FOXF1: variants seen among roughly 807,000 people sequenced by gnomAD.
FOXF1 encodes the protein forkhead box F1.
In FOXF1, 9 loss-of-function variants were observed where a neutral mutation model predicts 26.6. The ratio of observed to expected loss-of-function variants is 0.34; its 90% confidence interval spans 0.20 to 0.59. FOXF1 has a LOEUF of 0.59. FOXF1 is among the 20% of genes least tolerant of loss of function. The probability of loss-of-function intolerance (pLI) is 0.83; values close to 1 mark genes in which losing one functional copy is unlikely to be tolerated. For synonymous variants in FOXF1, 330 were observed against 257.7 expected, an observed-to-expected ratio of 1.28 and a Z score of -2.69; for missense variants, 499 against 549.9, an observed-to-expected ratio of 0.91 and a Z score of 0.93.
rs147837317 is a variant in FOXF1 at position 86,511,082 on chromosome 16, C to T, written c.513C>T (p.Gly171=). The T allele has an allele frequency of 3.1e-6, 5 of 1,609,350 alleles. No individual in the cohort carries two copies. In the African/African-American group the frequency reaches 6.7e-5, roughly 21 times the overall value. The part of the protein sequence containing the change: ...LGFNHLPDTY[G]FQGSAGGLSC... Reference sequence around the variant, plus strand: ...TCAACCACCTCCCGGACACCTACGGCTTCCAGGGCTCGGCCGGCGGCCTCT... The same window carrying T: ...TCAACCACCTCCCGGACACCTACGGTTTCCAGGGCTCGGCCGGCGGCCTCT... The change falls in exon 1 of 2, where the codon GGC becomes GGT. Residue 171 remains glycine, a synonymous_variant. Coordinates refer to ENST00000262426, the MANE Select transcript of FOXF1 (RefSeq NM_001451.3).
At chr16:86,511,974 C>T (rs1280102221) in intron 1 of FOXF1, among the ~76,000 whole-genome samples, 1 of 152,108 alleles carries the variant, frequency 6.6e-6, no homozygotes, top group Non-Finnish European at 1.5e-5. Context: ...AGGGCTGCCT[C>T]TGCCTGGGGC....
At position 86,510,643 on chromosome 16, in the gene FOXF1, C is replaced by T; in HGVS notation, c.74C>T (p.Ala25Val). ...GGCGGCGGCGGGGGAGGCGGCGCGG[C>T]CATGGACCCCGCGTCGTCCGGCCCG... ...GGGGGGGGGA[A>V]MDPASSGPSK... Residue 25 changes from alanine (A) to valine (V), a missense_variant, in exon 1 of 2, where the codon GCC becomes GTC. Ala to Val is a moderately conservative substitution (Grantham distance 64, BLOSUM62 0). Coordinates refer to ENST00000262426, the MANE Select transcript of FOXF1 (RefSeq NM_001451.3). 6.3e-7 allele frequency: 1 copy of T among 1,581,534 alleles called. No individual in the cohort carries two copies. Among genetic ancestry groups the T allele is most frequent in the Non-Finnish European group, 8.6e-7 (1 of 1,166,568 alleles).
At chr16:86,512,689 AGCAGGCAGGCAG>A (rs112947944) in intron 1 of FOXF1, among the ~76,000 whole-genome samples, 12,130 of 151,836 alleles carry the variant, frequency 0.08, 519 homozygotes, top group Middle Eastern at 0.16. Flanking sequence ...ACAGGCACGC[AGCAGGCAGGCAG>A]GCAGGCAGGC....
At chr16:86,511,578 C>A in intron 1 of FOXF1, 30 bp downstream of exon 1, 1 of 1,560,246 alleles carries the variant, frequency 6.4e-7, no homozygotes, top group Admixed American at 1.8e-5. Context: ...GCGCCCTGGT[C>A]CCCGGGAAGT....
At chr16:86,511,672 G>T (rs1205894894) in intron 1 of FOXF1, 124 bp downstream of exon 1, 25 of 1,354,522 alleles carry the variant, frequency 1.8e-5, no homozygotes, top group Non-Finnish European at 2.4e-5. Flanking sequence ...GGAGGCACCA[G>T]CTCCCCAAGG....
At position 86,510,601 on chromosome 16, in the gene FOXF1, C is replaced by A. The variant is rs1047402909; in HGVS notation, c.32C>A (p.Pro11Gln). 3.2e-5 allele frequency: 44 copies of A among 1,387,622 alleles called. No homozygotes were observed. Among genetic ancestry groups the A allele is most frequent in the Admixed American group, 1.5e-4 (4 of 27,300 alleles). 86.0% of individuals were successfully genotyped at this position (1,387,622 alleles called of 1,614,324 possible). A position where few individuals can be genotyped will look rare whatever the true frequency, so the allele number is the denominator to read the frequency against. Residue 11 changes from proline to glutamine, a missense_variant, in exon 1 of 2, where the codon CCG (proline) becomes CAG (glutamine). Coordinates refer to ENST00000262426, the MANE Select transcript of FOXF1 (RefSeq NM_001451.3). ...TCGGCGCCCGAGAAGCAGCAGCCAC[C>A]GCACGGCGGCGGCGGCGGCGGCGGC... MSSAPEKQQP[P>Q]HGGGGGGGGG...
chr16:86,510,977 C>A lies in FOXF1; in HGVS notation c.408C>A (p.Ser136=). 1 of 1,613,420 alleles carries A rather than the reference C, an allele frequency of 6.2e-7. No homozygotes were observed. Among genetic ancestry groups the A allele is most frequent in the Non-Finnish European group, 8.5e-7 (1 of 1,179,998 alleles). The part of the protein sequence containing the change: ...PASEFMFEEG[S]FRRRPRGFRR... The stretch of plus-strand genomic sequence containing the variant: ...GCGAGTTCATGTTCGAGGAGGGCTC[C>A]TTTCGGCGGCGGCCGCGCGGCTTCC... Residue 136 remains serine (S), a synonymous_variant, in exon 1 of 2, where the codon TCC becomes TCA. Transcript: ENST00000262426.
Position 86,513,055 on chromosome 16 carries a change from C to T in FOXF1, c.1110C>T (p.Thr370=). The change falls in exon 2 of 2, where the codon ACC becomes ACT. Residue 370 remains threonine, a synonymous_variant. Coordinates refer to ENST00000262426, the MANE Select transcript of FOXF1 (RefSeq NM_001451.3). ...GCTCCTACTACCACCAGCAGGTCAC[C>T]TACCAAGACATCAAGCCTTGCGTGA... The part of the protein sequence containing the change: ...GGGSYYHQQV[T]YQDIKPCVM The T allele has an allele frequency of 6.2e-7, 1 of 1,613,076 alleles. No homozygotes were observed. The highest frequency in any genetic ancestry group is 8.5e-7 in the Non-Finnish European group (1 of 1,180,020).
intron 1 of FOXF1, 48 bp from the exon 2 acceptor site, chr16:86,512,877 G>C: frequency 6.2e-7 from 1 of 1,611,018 alleles, no homozygotes; most frequent in Admixed American, 1.7e-5. Flanking sequence ...GAGCCACCGT[G>C]GCTAACTCTT....
Position 86,511,022 on chromosome 16 carries a change from C to G in FOXF1, c.453C>G (p.Leu151=), listed in dbSNP as rs767648997. 8.1e-6 allele frequency: 13 copies of G among 1,612,196 alleles called. No homozygotes were observed. The highest frequency in any genetic ancestry group is 2.2e-5 in the East Asian group (1 of 44,856). The change falls in exon 1 of 2, where the codon CTC becomes CTG. Residue 151 remains leucine (L), a synonymous_variant. Coordinates refer to ENST00000262426, the MANE Select transcript of FOXF1 (RefSeq NM_001451.3). ...PRGFRRKCQA[L]KPMYSMMNGL... Reference sequence around the variant, plus strand: ...GCTTCCGAAGGAAATGCCAGGCGCTCAAGCCCATGTACAGCATGATGAACG... The same window carrying G: ...GCTTCCGAAGGAAATGCCAGGCGCTGAAGCCCATGTACAGCATGATGAACG...
Position 86,513,092 on chromosome 16 carries a change from C to A in FOXF1, c.*7C>A, listed in dbSNP as rs751403274. On this transcript the variant is annotated 3_prime_UTR_variant, in exon 2 of 2. Coordinates refer to ENST00000262426, the MANE Select transcript of FOXF1 (RefSeq NM_001451.3). The stretch of plus-strand genomic sequence containing the variant: ...CAAGCCTTGCGTGATGTGAGGCTGC[C>A]GCCGCAGGCCCTCCTGGTGCAGGCA... 3.1e-6 allele frequency: 5 copies of A among 1,609,898 alleles called. No individual in the cohort carries two copies. The highest frequency in any genetic ancestry group is 1.3e-5 in the African/African-American group (1 of 74,924).
In FOXF1 at chr16:86,511,398, G is replaced by A. The variant is rs1450834636; in HGVS notation, c.829G>A (p.Ala277Thr). Residue 277 changes from alanine (A) to threonine (T), a missense_variant, in exon 1 of 2, where the codon GCG becomes ACG. Transcript: ENST00000262426. Reference protein sequence around the residue: ...AAAWPPSASAALNSGASYIKQ... With the variant: ...AAAWPPSASATLNSGASYIKQ... ...GGCCTGGCCGCCCTCGGCGTCCGCGGCGCTCAACAGCGGCGCCTCTTATAT... is the reference window on the plus strand; with the variant it reads ...GGCCTGGCCGCCCTCGGCGTCCGCGACGCTCAACAGCGGCGCCTCTTATAT... 8 of 1,589,386 alleles carry A rather than the reference G, an allele frequency of 5.0e-6. No individual in the cohort carries two copies. Among genetic ancestry groups the A allele is most frequent in the Non-Finnish European group, 6.8e-6 (8 of 1,175,950 alleles).
rs1362415525 is a variant in FOXF1, at chr16:86,513,223, G to A, written c.*138G>A. 3.6e-6 allele frequency: 3 copies of A among 844,560 alleles called. No individual in the cohort carries two copies. Among genetic ancestry groups the A allele is most frequent in the Admixed American group, 4.5e-5 (2 of 44,244 alleles). 52.3% of individuals were successfully genotyped at this position (844,560 alleles called of 1,614,324 possible). ...CACCTCTCCCCAACCGGAGTTTTTG[G>A]CAAGGAGTCCCCAATGCAAAGACAC... On this transcript the variant is annotated 3_prime_UTR_variant, in exon 2 of 2. Coordinates refer to ENST00000262426, the MANE Select transcript of FOXF1 (RefSeq NM_001451.3).
chr16:86,512,281 G>A (rs537430131), intron 1 of FOXF1, among the ~76,000 whole-genome samples: 4 of 151,462 alleles, frequency 2.6e-5, no homozygotes, highest in Admixed American at 6.6e-5. Flanking sequence ...CAGCAGCCTC[G>A]CCTCCTGATT....
chr16:86,510,566 C>T lies in FOXF1; in HGVS notation c.-4C>T, dbSNP rs752749806. 775 of 1,356,854 alleles carry T rather than the reference C, an allele frequency of 5.7e-4. No homozygotes were observed. The highest frequency in any genetic ancestry group is 5.4e-4 in the Non-Finnish European group (572 of 1,060,212). The allele number at this position is 1,356,854 out of a possible 1,614,324, so 84.1% of individuals were successfully genotyped here. On this transcript the variant is annotated 5_prime_UTR_variant, in exon 1 of 2. Transcript: ENST00000262426. ...GCAGCGGCGGCGGCGGCAGCAGCCA[C>T]CCGATGTCTTCGGCGCCCGAGAAGC...
rs879530653 is a variant in FOXF1, at chr16:86,513,819, C to T, written c.*734C>T. ...CCCTTCCATGTTCCTCCTCTTCCTT[C>T]GCTTCAGCCTCTTCTGTTATGTTTT... On this transcript the variant is annotated 3_prime_UTR_variant, in exon 2 of 2. Transcript: ENST00000262426. 6.6e-5 allele frequency: 10 copies of T among 152,368 alleles called. No individual in the cohort carries two copies. The highest frequency in any genetic ancestry group is 1.2e-4 in the Non-Finnish European group (8 of 68,098). The allele number at this position is 152,368 out of a possible 1,614,324, so 9.4% of individuals were successfully genotyped here. A position where few individuals can be genotyped will look rare whatever the true frequency, so the allele number is the denominator to read the frequency against.
Position 86,513,984 on chromosome 16 carries a change from T to C in FOXF1, c.*899T>C, listed in dbSNP as rs1969609015. On this transcript the variant is annotated 3_prime_UTR_variant, in exon 2 of 2. Coordinates refer to ENST00000262426, the MANE Select transcript of FOXF1 (RefSeq NM_001451.3). ...GCCCGGTGACCGCGCGGATTCAGGA[T>C]TGCGGGGACGCAGAAAGGTTAAGGC... 6.6e-6 allele frequency: 1 copy of C among 152,268 alleles called. No homozygotes were observed. The highest frequency in any genetic ancestry group is 2.1e-4 in the South Asian group (1 of 4,838). The allele number at this position is 152,268 out of a possible 1,614,324, so 9.4% of individuals were successfully genotyped here.
Position 86,513,322 on chromosome 16 carries a change from C to T in FOXF1, c.*237C>T. 1.8e-6 allele frequency: 1 copy of T among 552,658 alleles called. No homozygotes were observed. Among genetic ancestry groups the T allele is most frequent in the East Asian group, 3.1e-5 (1 of 31,814 alleles). 34.2% of individuals were successfully genotyped at this position (552,658 alleles called of 1,614,324 possible). A position where few individuals can be genotyped will look rare whatever the true frequency, so the allele number is the denominator to read the frequency against. ...AATGTTAGTGGTGGGTCTGATCTGACTGCAGCCATCGGTAAATAAAAGTTT... is the reference window on the plus strand; with the variant it reads ...AATGTTAGTGGTGGGTCTGATCTGATTGCAGCCATCGGTAAATAAAAGTTT... On this transcript the variant is annotated 3_prime_UTR_variant, in exon 2 of 2. Transcript: ENST00000262426.
At chr16:86,512,245 T>G (rs949824992) in intron 1 of FOXF1, among the ~76,000 whole-genome samples, 3 of 149,548 alleles carry the variant, frequency 2.0e-5, no homozygotes, top group African/African-American at 7.4e-5. Context: ...ACCCCGAACA[T>G]GCAGAAGCAT....
Sources: allele counts gnomAD v4.1 joint callset (sites outside exome capture counted in the v4.1 genomes callset), GRCh38; gene constraint gnomAD v4.1.1; transcripts MANE v1.5; gene names NCBI Gene and HGNC (gene_info 2026-07-23, HGNC 2026-07-21).